The following EPHA7 variants were observed in gnomAD, a reference collection of about 807,000 sequenced individuals.
EPHA7 encodes the protein ephrin type-A receptor 7.
EPHA7 carries 25 observed loss-of-function variants against 112.6 expected under a neutral mutation model. That is an observed-to-expected ratio of 0.22 (90% CI 0.16 to 0.31). EPHA7 has a LOEUF of 0.31. Ranked by LOEUF, EPHA7 falls within the 10% of genes least tolerant of loss-of-function variation. The probability of loss-of-function intolerance (pLI) is 1.00; values close to 1 mark genes in which losing one functional copy is unlikely to be tolerated. For missense variants in EPHA7, 962 were observed against 1,212.6 expected (o/e 0.79, Z 3.07); for synonymous variants, 437 against 406.5 (o/e 1.07, Z -0.90).
At chr6:93,257,083 C>G (rs1349079090) in intron 12 of EPHA7, among the ~76,000 whole-genome samples, 1 of 152,052 alleles carries the variant, frequency 6.6e-6, no homozygotes, top group Non-Finnish European at 1.5e-5. Flanking sequence ...TTCTACAGAG[C>G]AGAGTTGTGA....
At chr6:93,351,527 T>A (rs2127937822) in intron 5 of EPHA7, among the ~76,000 whole-genome samples, 1 of 152,110 alleles carries the variant, frequency 6.6e-6, no homozygotes, top group Non-Finnish European at 1.5e-5. Context: ...TCACTCTCAT[T>A]AAGAACTGTA....
chr6:93,345,705 T>C (rs1410860716), intron 5 of EPHA7, among the ~76,000 whole-genome samples: 1 of 151,776 alleles, frequency 6.6e-6, no homozygotes, highest in African/African-American at 2.4e-5. Flanking sequence ...CAGTTGTAAC[T>C]GACAGATCTG....
rs374771258 is a variant in EPHA7, at chr6:93,411,139, T to C, written c.194A>G (p.Tyr65Cys). The C allele has an allele frequency of 1.9e-6, 3 of 1,613,664 alleles. No homozygotes were observed. The highest frequency in any genetic ancestry group is 1.1e-5 in the South Asian group (1 of 91,046). ...CACCTGGTATGTTCGTATCGGGGTA[T>C]AGTTCTCATCCAAACCACTAATTTC... Reference protein sequence around the residue: ...WEEISGLDENYTPIRTYQVCQ... With the variant: ...WEEISGLDENCTPIRTYQVCQ... Residue 65 changes from tyrosine (Y) to cysteine (C), a missense_variant, in exon 3 of 17, where the codon TAT becomes TGT. Tyr to Cys is a radical substitution (Grantham distance 194). This residue lies in a region of EPHA7 where 160 missense variants were observed against 263.6 expected (regional missense o/e 0.61). Transcript: ENST00000369303.
rs1424994696 is a variant in EPHA7, at chr6:93,416,845, G to A, written c.98-2078C>T. On this transcript the variant is annotated intron_variant, in intron 1 of 16. Coordinates refer to ENST00000369303, the MANE Select transcript of EPHA7 (RefSeq NM_004440.4). ...TGACAGACCCAGGCAACGACCGCGCGGGCAAAGGCTGGCGTCCCGGGGCTG... is the reference window on the plus strand; with the variant it reads ...TGACAGACCCAGGCAACGACCGCGCAGGCAAAGGCTGGCGTCCCGGGGCTG... 3.3e-5 allele frequency among the ~76,000 whole-genome samples: 5 copies of A among 152,150 alleles called. No homozygotes were observed. The East Asian group carries it at 9.8e-4, about 30-fold the overall frequency.
At chr6:93,284,498 GA>G (rs1270432227) in intron 5 of EPHA7, among the ~76,000 whole-genome samples, 1 of 152,030 alleles carries the variant, frequency 6.6e-6, no homozygotes, top group African/African-American at 2.4e-5. Context: ...AATGTGGCTT[GA>G]GACTCATTAA....
chr6:93,280,727 T>A (rs1392022389), intron 5 of EPHA7, among the ~76,000 whole-genome samples: 1 of 152,100 alleles, frequency 6.6e-6, no homozygotes, highest in Non-Finnish European at 1.5e-5. Flanking sequence ...ATCAGAATAC[T>A]TACATCATAA....
chr6:93,277,223 G>GC (rs1562062480), intron 5 of EPHA7, among the ~76,000 whole-genome samples: 1 of 151,794 alleles, frequency 6.6e-6, no homozygotes, highest in East Asian at 1.9e-4. Flanking sequence ...ACAACTTTTA[G>GC]CTTTCTCACT....
intron 12 of EPHA7, among the ~76,000 whole-genome samples, chr6:93,257,094 T>A (rs983819152): frequency 8.5e-5 from 13 of 152,112 alleles, no homozygotes; most frequent in East Asian, 3.9e-4. Context: ...AGAGTTGTGA[T>A]CATAGTGTCA....
chr6:93,297,582 C>T (rs1772737074), intron 5 of EPHA7, among the ~76,000 whole-genome samples: 1 of 152,122 alleles, frequency 6.6e-6, no homozygotes, highest in African/African-American at 2.4e-5. Context: ...GCCTGCAATT[C>T]TGTATAGCCG....
At chr6:93,295,633 T>C (rs939758139) in intron 5 of EPHA7, among the ~76,000 whole-genome samples, 3 of 151,790 alleles carry the variant, frequency 2.0e-5, no homozygotes, top group African/African-American at 7.2e-5. Context: ...TGGAATTCCT[T>C]CTCTAATCAA....
chr6:93,269,625 G>C lies in EPHA7; in HGVS notation c.1485C>G (p.Thr495=). The C allele has an allele frequency of 6.3e-7, 1 of 1,590,398 alleles. No homozygotes were observed. The highest frequency in any genetic ancestry group is 8.6e-7 in the Non-Finnish European group (1 of 1,169,566). ...QRERTYSTVK[T]KSTSASINNL... ...TATTAATGGAGGCTGAAGTAGACTT[G>C]GTTTTTACTGTTGAGTAGGTCCGTT... Residue 495 remains threonine, a synonymous_variant, in exon 7 of 17, where the codon ACC becomes ACG. Transcript: ENST00000369303.
chr6:93,367,327 T>TTTA (rs1776564859), intron 3 of EPHA7, among the ~76,000 whole-genome samples: 1 of 152,174 alleles, frequency 6.6e-6, no homozygotes, highest in Non-Finnish European at 1.5e-5. Flanking sequence ...TGTTCTCATA[T>TTTA]TTACTAAAGT....
chr6:93,246,434 A>T (rs1769954768), intron 15 of EPHA7, among the ~76,000 whole-genome samples: 1 of 152,202 alleles, frequency 6.6e-6, no homozygotes, highest in South Asian at 2.1e-4. Context: ...CTATGCATAT[A>T]ACAAAAAACA....
At chr6:93,419,215 A>T (rs754658365) in intron 1 of EPHA7, 30 bp downstream of exon 1, 5 of 1,582,240 alleles carry the variant, frequency 3.2e-6, no homozygotes, top group Non-Finnish European at 4.3e-6. Context: ...TAAATAAGTC[A>T]GAACAAACTT....
At chr6:93,378,528 T>C (rs187144968) in intron 3 of EPHA7, among the ~76,000 whole-genome samples, 14 of 152,166 alleles carry the variant, frequency 9.2e-5, no homozygotes, top group Admixed American at 3.3e-4. Context: ...TCAAGAGATG[T>C]TTAACATATT....
At chr6:93,384,743 GAATT>G (rs1202716791) in intron 3 of EPHA7, among the ~76,000 whole-genome samples, 1 of 151,992 alleles carries the variant, frequency 6.6e-6, no homozygotes, top group East Asian at 1.9e-4. Flanking sequence ...ACTTTAATTA[GAATT>G]AATTTCTGAC....
intron 7 of EPHA7, among the ~76,000 whole-genome samples, chr6:93,268,266 T>G (rs181019917): frequency 4.0e-4 from 61 of 151,812 alleles, no homozygotes; most frequent in African/African-American, 1.4e-3. Context: ...TCAGCATACG[T>G]TTTTATTATT....
intron 3 of EPHA7, among the ~76,000 whole-genome samples, chr6:93,381,169 T>G (rs1045943298): frequency 6.6e-6 from 1 of 152,212 alleles, no homozygotes. Flanking sequence ...ATTTTAAAAT[T>G]TATCTATTTT....
At chr6:93,407,651 T>C (rs899513689) in intron 3 of EPHA7, among the ~76,000 whole-genome samples, 2 of 152,076 alleles carry the variant, frequency 1.3e-5, no homozygotes, top group Admixed American at 1.3e-4. Flanking sequence ...TTTTTATTTT[T>C]AATTAAATGT....
Sources: gnomAD v4.1 joint callset for allele counts (sites outside exome capture counted in the v4.1 genomes callset) on GRCh38, gnomAD v4.1.1 for gene constraint, gnomAD v4.1.1 regional missense constraint, MANE v1.5 for transcripts, NCBI Gene and HGNC (gene_info 2026-07-23, HGNC 2026-07-21) for gene names.